Variants in CLASRP observed in about 807,000 individuals in gnomAD.
The protein encoded by CLASRP is CLK4-associating serine/arginine rich protein.
CLASRP carries 52 observed loss-of-function variants against 99.9 expected under a neutral mutation model. That is an observed-to-expected ratio of 0.52 (90% CI 0.42 to 0.66). The LOEUF (loss-of-function observed/expected upper bound fraction) is 0.66, where lower values mean the gene tolerates loss of function less well. Among genes scored for constraint, CLASRP ranks in the 30% least tolerant of loss-of-function variants. The pLI, the probability that CLASRP is intolerant of heterozygous loss-of-function variation, is 0.00. For synonymous variants in CLASRP, 379 were observed against 373.0 expected (o/e 1.02, Z -0.18); for missense variants, 848 against 999.2 (o/e 0.85, Z 2.04).
Position 45,064,347 on chromosome 19 carries a change from C to T in CLASRP, c.1126C>T (p.Arg376Cys), listed in dbSNP as rs1484171415. ...APGRNASARR[R>C]SSSSSSSSSA... is the part of the protein sequence containing the mutation. ...CCCTCCGTGCCCCGCCTGCAGCCGC[C>T]GCTCCTCCTCCTCCTCCTCCTCCTC... The change falls in exon 13 of 21, where the codon CGC becomes TGC. Residue 376 changes from arginine to cysteine, a missense_variant. By Grantham distance (180) the Arg-to-Cys change is radical (BLOSUM62 -3). Transcript: ENST00000221455. The T allele has an allele frequency of 1.2e-5, 18 of 1,528,698 alleles. No homozygotes were observed. Among genetic ancestry groups the T allele is most frequent in the African/African-American group, 5.5e-5 (4 of 72,838 alleles). The allele number at this position is 1,528,698 out of a possible 1,614,324, so 94.7% of individuals were successfully genotyped here.
intron 5 of CLASRP, among the ~76,000 whole-genome samples, chr19:45,054,496 G>A (rs1033672865): frequency 2.0e-5 from 3 of 152,128 alleles, no homozygotes; most frequent in Admixed American, 6.6e-5. Flanking sequence ...TGATCCACCC[G>A]CCTCGGCCTC....
rs1282683604 is a variant in CLASRP, at chr19:45,040,311, C to T, written c.99C>T (p.Ile33=). ...AERRREYYEK[I]KKDPAQFLQV... ...GGAGACGGGAGTATTATGAAAAGAT[C>T]GTGAGTAACTGGCCTTTTGTCTGGG... Residue 33 remains isoleucine, a splice_region_variant and synonymous_variant, in exon 2 of 21, where the codon ATC becomes ATT. Transcript: ENST00000221455. 6.2e-7 allele frequency: 1 copy of T among 1,604,484 alleles called. No individual in the cohort carries two copies. Among genetic ancestry groups the T allele is most frequent in the Non-Finnish European group, 8.5e-7 (1 of 1,175,712 alleles).
chr19:45,070,764 T>G (rs1448711045), intron 20 of CLASRP, 39 bp from the exon 21 acceptor site: 1 of 1,571,536 alleles, frequency 6.4e-7, no homozygotes, highest in Non-Finnish European at 8.8e-7. Flanking sequence ...TTGATGTGTG[T>G]ATGCCCCATC....
At chr19:45,057,982 C>T (rs1210962240) in intron 7 of CLASRP, 84 bp downstream of exon 7, 6 of 1,553,986 alleles carry the variant, frequency 3.9e-6, no homozygotes, top group African/African-American at 1.4e-5. Flanking sequence ...TGGGGCACCC[C>T]GTGCTTACGA....
intron 13 of CLASRP, among the ~76,000 whole-genome samples, chr19:45,066,706 G>A (rs1298774829): frequency 6.7e-6 from 1 of 149,758 alleles, no homozygotes; most frequent in African/African-American, 2.5e-5. Flanking sequence ...TATATTCCTT[G>A]TAGCTTACCC....
Position 45,060,427 on chromosome 19 carries a change from A to G in CLASRP, c.749A>G (p.Lys250Arg). The change falls in exon 9 of 21, where the codon AAG becomes AGG. Residue 250 changes from lysine to arginine, a missense_variant. By Grantham distance (26) the Lys-to-Arg change is conservative (BLOSUM62 2). This residue lies in a region of CLASRP where 119 missense variants were observed against 170.2 expected (regional missense o/e 0.70). Coordinates refer to ENST00000221455, the MANE Select transcript of CLASRP (RefSeq NM_007056.3). This position sits in a 1 kb window ranked among gnomAD's most constrained non-coding sequence, Gnocchi z 4.6. ...GACAAGGAGGAGGCAGAGGCCATCAAGCATGCCAAGGCTCTTGAGGAGGAG... is the reference window on the plus strand; with the variant it reads ...GACAAGGAGGAGGCAGAGGCCATCAGGCATGCCAAGGCTCTTGAGGAGGAG... The part of the protein sequence containing the change: ...RKDKEEAEAI[K>R]HAKALEEEKA... 1.2e-6 allele frequency: 2 copies of G among 1,614,188 alleles called. No homozygotes were observed. Among genetic ancestry groups the G allele is most frequent in the South Asian group, 1.1e-5 (1 of 91,084 alleles).
intron 2 of CLASRP, among the ~76,000 whole-genome samples, chr19:45,042,651 C>T (rs542421342): frequency 2.7e-5 from 4 of 150,720 alleles, no homozygotes; most frequent in Admixed American, 6.6e-5. Flanking sequence ...CTTGCTTAGT[C>T]GCCCAGGCTG....
At chr19:45,046,833 G>T (rs1379949984) in intron 2 of CLASRP, among the ~76,000 whole-genome samples, 7 of 152,198 alleles carry the variant, frequency 4.6e-5, no homozygotes, top group Admixed American at 4.6e-4. Context: ...TTTGAGACCA[G>T]CCTGACCAAC....
chr19:45,050,830 C>A (rs1322466386), intron 2 of CLASRP, among the ~76,000 whole-genome samples: 2 of 151,950 alleles, frequency 1.3e-5, no homozygotes, highest in East Asian at 3.9e-4. Flanking sequence ...GATTCTCTTG[C>A]CTCAGCCTCC....
chr19:45,068,380 A>G, intron 15 of CLASRP, 40 bp from the exon 16 acceptor site: 1 of 684,824 alleles, frequency 1.5e-6, no homozygotes, highest in Non-Finnish European at 2.4e-6. Context: ...GAGCTCTGGG[A>G]CACCCACCCC....
At chr19:45,040,608 T>A in intron 2 of CLASRP, 1 of 262,130 alleles carries the variant, frequency 3.8e-6, no homozygotes, top group East Asian at 8.2e-5. Context: ...ACCTCCAGAA[T>A]GTCTGTTTCG....
rs777140368 is a variant in CLASRP, at chr19:45,057,874, G to A, written c.589G>A (p.Glu197Lys). Residue 197 changes from glutamate to lysine, a missense_variant, in exon 7 of 21, where the codon GAA becomes AAA. This residue lies in a region of CLASRP where 119 missense variants were observed against 170.2 expected (regional missense o/e 0.70). Transcript: ENST00000221455. ...GGCCGAGGAGGAGAGCAACTCGGAC[G>A]AAGATGAGGTCATCCCCGACATCGG... The part of the protein sequence containing the change: ...SAAEEESNSD[E>K]DEVIPDIDVE... 5.0e-6 allele frequency: 8 copies of A among 1,613,956 alleles called. No homozygotes were observed. The highest frequency in any genetic ancestry group is 6.8e-6 in the Non-Finnish European group (8 of 1,179,928).
At chr19:45,044,573 A>G (rs115878908) in intron 2 of CLASRP, among the ~76,000 whole-genome samples, 6 of 152,166 alleles carry the variant, frequency 3.9e-5, no homozygotes, top group African/African-American at 1.2e-4. Flanking sequence ...GTTCAAAAAG[A>G]TGAGGCATAG....
intron 16 of CLASRP, 112 bp downstream of exon 16, chr19:45,068,592 C>A: frequency 1.2e-6 from 1 of 817,474 alleles, no homozygotes; most frequent in Non-Finnish European, 2.1e-6. Flanking sequence ...AGAGAGGCCA[C>A]GCAGGCACGG....
chr19:45,061,599 G>A (rs1044706956), intron 10 of CLASRP, among the ~76,000 whole-genome samples: 5 of 152,056 alleles, frequency 3.3e-5, no homozygotes, highest in Non-Finnish European at 7.4e-5. Flanking sequence ...CTCCTTAGTA[G>A]CTGAGATTAC....
chr19:45,069,042 C>T, intron 16 of CLASRP, 24 bp from the exon 17 acceptor site: 1 of 1,611,484 alleles, frequency 6.2e-7, no homozygotes, highest in South Asian at 1.1e-5. Context: ...AACCCCTCAG[C>T]CACCCTGTTC....
chr19:45,040,389 C>A, intron 2 of CLASRP, 78 bp downstream of exon 2: 2 of 973,518 alleles, frequency 2.1e-6, no homozygotes, highest in Non-Finnish European at 3.2e-6. Context: ...AAAATCTGGG[C>A]TTGGAAGTAT....
In CLASRP at chr19:45,069,084, C is replaced by T. The variant is rs766861738; in HGVS notation, c.1787C>T (p.Ala596Val). The T allele has an allele frequency of 1.1e-5, 18 of 1,613,728 alleles. No homozygotes were observed. The highest frequency in any genetic ancestry group is 1.4e-5 in the Non-Finnish European group (17 of 1,179,956). The change falls in exon 17 of 21, where the codon GCG becomes GTG. Residue 596 changes from alanine to valine, a missense_variant. Physicochemically the swap from Ala to Val is moderately conservative, Grantham distance 64. Around this residue, in one of 8 missense-constraint regions of CLASRP, gnomAD observed 116 missense variants for 162.7 expected, o/e 0.71. Transcript: ENST00000221455. ...LNRQFKADKK[A>V]AQEKMIQQEH... ...TCTACAGTCAAGGCGGATAAGAAGG[C>T]GGCACAAGAAAAGATGATCCAGCAG...
chr19:45,064,640 G>T lies in CLASRP; in HGVS notation c.1409+10G>T, dbSNP rs758438484. ...CCCGGCGCAGAAGCAGGTGTGTGTG[G>T]CTGGGCGTGGAGGTGGGAGGGGCTG... On this transcript the variant is annotated intron_variant, in intron 13 of 20. Transcript: ENST00000221455. The T allele has an allele frequency of 5.8e-6, 9 of 1,541,988 alleles. No individual in the cohort carries two copies. The highest frequency in any genetic ancestry group is 3.8e-5 in the Admixed American group (2 of 53,214).
Sources: gnomAD v4.1 joint callset for allele counts (sites outside exome capture counted in the v4.1 genomes callset) on GRCh38, gnomAD v4.1.1 for gene constraint, gnomAD v4.1.1 regional missense constraint, Gnocchi (gnomAD v3.1) non-coding constraint, MANE v1.5 for transcripts, NCBI Gene and HGNC (gene_info 2026-07-23, HGNC 2026-07-21) for gene names.